CLDN10: variants seen among roughly 807,000 people sequenced by gnomAD.
CLDN10 encodes the protein claudin-10.
CLDN10 carries 15 observed loss-of-function variants against 22.9 expected under a neutral mutation model. The ratio of observed to expected loss-of-function variants is 0.65; its 90% CI spans 0.44 to 1.01. The LOEUF (loss-of-function observed/expected upper bound fraction) is 1.01, where lower values mean the gene tolerates loss of function less well. Ranked by LOEUF, CLDN10 falls within the 50% of genes least tolerant of loss-of-function variation. The pLI is 0.00. For missense variants in CLDN10, 247 were observed against 287.8 expected (o/e 0.86, Z 1.03); for synonymous variants, 114 against 111.4 (o/e 1.02, Z -0.15).
intron 1 of CLDN10, among the ~76,000 whole-genome samples, chr13:95,467,708 A>G (rs754019964): frequency 6.6e-6 from 1 of 152,228 alleles, no homozygotes. Flanking sequence ...GAATTGGGTC[A>G]CATAATTATG....
At chr13:95,521,011 T>C (rs1026049138) in intron 1 of CLDN10, among the ~76,000 whole-genome samples, 1 of 152,098 alleles carries the variant, frequency 6.6e-6, no homozygotes, top group Non-Finnish European at 1.5e-5. Context: ...AGAAATTCAA[T>C]TAATTTTTAT....
intron 1 of CLDN10, among the ~76,000 whole-genome samples, chr13:95,528,892 A>G (rs545580935): frequency 5.9e-5 from 9 of 152,354 alleles, no homozygotes; most frequent in African/African-American, 2.2e-4. Flanking sequence ...TTAAGACACC[A>G]CAGTCACTAA....
chr13:95,506,732 A>G, intron 1 of CLDN10, among the ~76,000 whole-genome samples: 1 of 152,198 alleles, frequency 6.6e-6, no homozygotes. Flanking sequence ...TGAGAGTTGT[A>G]GTCTAGGGTC....
At chr13:95,505,149 G>A (rs73545039) in intron 1 of CLDN10, among the ~76,000 whole-genome samples, 11,144 of 152,204 alleles carry the variant, frequency 0.073, 460 homozygotes, top group Non-Finnish European at 0.085. Flanking sequence ...CCCATGAAAA[G>A]GTGTGTTCCT....
chr13:95,478,971 C>A (rs2042712542), intron 1 of CLDN10, among the ~76,000 whole-genome samples: 1 of 152,212 alleles, frequency 6.6e-6, no homozygotes, highest in Non-Finnish European at 1.5e-5. Flanking sequence ...GTTTAAGGAA[C>A]TTTCATTTTA....
Position 95,443,620 on chromosome 13 carries a change from G to C in CLDN10, c.214+9573G>C, listed in dbSNP as rs112242820. On this transcript the variant is annotated intron_variant, in intron 1 of 4. Transcript: ENST00000376873. ...TAAGCCAGGCTGGGAAAACTAAGCA[G>C]GTTTAGGATTGGCTCATTTTAATAC... Among the ~76,000 whole-genome samples, 379 of 152,300 alleles carry C rather than the reference G, an allele frequency of 2.5e-3. 1 individual carries two copies. In the Middle Eastern group the frequency reaches 0.031, roughly 12 times the overall value.
intron 3 of CLDN10, among the ~76,000 whole-genome samples, chr13:95,572,999 A>G (rs1352556703): frequency 6.6e-6 from 1 of 152,212 alleles, no homozygotes; most frequent in Non-Finnish European, 1.5e-5. Context: ...TATGAAATGC[A>G]TCAGAATCAA....
At chr13:95,500,289 G>A (rs568125231) in intron 1 of CLDN10, among the ~76,000 whole-genome samples, 21 of 152,278 alleles carry the variant, frequency 1.4e-4, no homozygotes, top group South Asian at 1.2e-3. Context: ...CGAGTGAGGC[G>A]GGGTCTAAAT....
At chr13:95,472,153 G>A (rs2042639765) in intron 1 of CLDN10, among the ~76,000 whole-genome samples, 1 of 151,898 alleles carries the variant, frequency 6.6e-6, no homozygotes, top group African/African-American at 2.4e-5. Flanking sequence ...GTTTTGCTTT[G>A]AGTAATCAAA....
intron 1 of CLDN10, among the ~76,000 whole-genome samples, chr13:95,557,702 TCTC>T (rs2043656390): frequency 6.6e-6 from 1 of 152,104 alleles, no homozygotes; most frequent in Admixed American, 6.6e-5. Context: ...CCTGCCCACT[TCTC>T]CTCTCATGCT....
At chr13:95,457,527 T>C (rs1044125823) in intron 1 of CLDN10, among the ~76,000 whole-genome samples, 2 of 152,150 alleles carry the variant, frequency 1.3e-5, no homozygotes, top group Non-Finnish European at 1.5e-5. Context: ...CATACTGATG[T>C]AGGGGGATTC....
intron 1 of CLDN10, chr13:95,534,007 C>T (rs920194317): frequency 1.3e-5 from 2 of 152,172 alleles, no homozygotes; most frequent in Admixed American, 6.5e-5. Flanking sequence ...GCAGAGATCA[C>T]GTTCTTTGTT....
chr13:95,495,546 CA>C (rs2042919700), intron 1 of CLDN10, among the ~76,000 whole-genome samples: 1 of 151,108 alleles, frequency 6.6e-6, no homozygotes. Context: ...AGATCGAGGC[CA>C]TCCTGGCTAA....
At chr13:95,481,081 G>A (rs1345503079) in intron 1 of CLDN10, among the ~76,000 whole-genome samples, 1 of 152,152 alleles carries the variant, frequency 6.6e-6, no homozygotes, top group Non-Finnish European at 1.5e-5. Flanking sequence ...TGTAACAGCT[G>A]CATCTTGACC....
At chr13:95,472,352 A>T (rs962694623) in intron 1 of CLDN10, among the ~76,000 whole-genome samples, 26 of 152,158 alleles carry the variant, frequency 1.7e-4, no homozygotes, top group African/African-American at 6.0e-4. Flanking sequence ...GGCTAAAAGA[A>T]ACTCATCATC....
chr13:95,496,721 G>A (rs2042933630), intron 1 of CLDN10, among the ~76,000 whole-genome samples: 1 of 152,114 alleles, frequency 6.6e-6, no homozygotes, highest in Admixed American at 6.6e-5. Context: ...CCACCACGGG[G>A]GCCCCACCCT....
chr13:95,550,964 C>G (rs139863588), upstream of CLDN10, among the ~76,000 whole-genome samples: 1 of 151,746 alleles, frequency 6.6e-6, no homozygotes, highest in East Asian at 1.9e-4. Flanking sequence ...TGAGCCACTG[C>G]GCCCAGCCAG....
At chr13:95,543,173 G>A (rs564168436) in intron 1 of CLDN10, among the ~76,000 whole-genome samples, 3 of 152,110 alleles carry the variant, frequency 2.0e-5, no homozygotes, top group African/African-American at 4.8e-5. Context: ...CAGAGGTTAC[G>A]GTGAGTCGAA....
At chr13:95,485,456 A>G (rs1261413400) in intron 1 of CLDN10, among the ~76,000 whole-genome samples, 1 of 152,184 alleles carries the variant, frequency 6.6e-6, no homozygotes, top group Non-Finnish European at 1.5e-5. Context: ...CAGGTCTATG[A>G]GTCATTGGAG....
Sources: allele counts gnomAD v4.1 joint callset (sites outside exome capture counted in the v4.1 genomes callset), GRCh38; gene constraint gnomAD v4.1.1; transcripts MANE v1.5; gene names NCBI Gene and HGNC (gene_info 2026-07-23, HGNC 2026-07-21).